MTOR: variants seen among roughly 807,000 people sequenced by gnomAD.
MTOR encodes mechanistic target of rapamycin kinase.
A neutral mutation model predicts 319.8 loss-of-function variants in MTOR; 70 were observed. The ratio of observed to expected loss-of-function variants is 0.22; its 90% CI spans 0.18 to 0.27. The LOEUF is 0.27. Among genes scored for constraint, MTOR ranks in the 10% least tolerant of loss-of-function variants. MTOR has a pLI of 1.00. For synonymous variants in MTOR, 1,183 were observed against 1,211.4 expected (o/e 0.98, Z 0.49); for missense variants, 1,890 against 3,274.4 (o/e 0.58, Z 10.32).
rs183542465 is a variant in MTOR, at chr1:11,241,194, G to A, written c.1541+359C>T. Reference sequence around the variant, plus strand: ...GAATTAGCCAGGCGTGGTGGCAGGCGCCTGTAGTCCCAGCTACTCAGGAGG... The same window carrying A: ...GAATTAGCCAGGCGTGGTGGCAGGCACCTGTAGTCCCAGCTACTCAGGAGG... On this transcript the variant is annotated intron_variant, in intron 10 of 57. Coordinates refer to ENST00000361445, the MANE Select transcript of MTOR (RefSeq NM_004958.4). Among the ~76,000 whole-genome samples, 28 of 151,878 alleles carry A rather than the reference G, an allele frequency of 1.8e-4. No individual in the cohort carries two copies. The South Asian group carries it at 5.0e-3, about 27-fold the overall frequency.
intron 28 of MTOR, among the ~76,000 whole-genome samples, chr1:11,191,251 G>A (rs188330919): frequency 9.3e-4 from 141 of 152,310 alleles, no homozygotes; most frequent in African/African-American, 3.2e-3. Flanking sequence ...CTATGACCAA[G>A]TGCTCAGTTA....
intron 28 of MTOR, among the ~76,000 whole-genome samples, chr1:11,191,634 T>TA (rs1645534741): frequency 1.3e-5 from 2 of 152,030 alleles, no homozygotes; most frequent in African/African-American, 2.4e-5. Flanking sequence ...GGCCCTAGAG[T>TA]AAAAAAACTG....
chr1:11,253,588 C>A (rs903407060), intron 6 of MTOR, among the ~76,000 whole-genome samples: 2 of 152,152 alleles, frequency 1.3e-5, no homozygotes, highest in Non-Finnish European at 2.9e-5. Flanking sequence ...GTCATGTGGA[C>A]CCCCGTCAAA....
intron 34 of MTOR, among the ~76,000 whole-genome samples, chr1:11,140,123 C>T (rs994246219): frequency 6.6e-6 from 1 of 152,142 alleles, no homozygotes; most frequent in Non-Finnish European, 1.5e-5. Flanking sequence ...CATGCCTGGC[C>T]TTCTGATACA....
At position 11,166,199 on chromosome 1, in the gene MTOR, G is replaced by A. The variant is rs1255621638; in HGVS notation, c.4329+1243C>T. On this transcript the variant is annotated intron_variant, in intron 29 of 57. Coordinates refer to ENST00000361445, the MANE Select transcript of MTOR (RefSeq NM_004958.4). ...ACATAGGCATGGGCAAGGACTTCACGTCTAAAACACCAAAAGCAATGGCAA... is the reference window on the plus strand; with the variant it reads ...ACATAGGCATGGGCAAGGACTTCACATCTAAAACACCAAAAGCAATGGCAA... Among the ~76,000 whole-genome samples, 9 of 152,258 alleles carry A rather than the reference G, an allele frequency of 5.9e-5. No homozygotes were observed. The South Asian group carries it at 1.0e-3, about 18-fold the overall frequency.
intron 3 of MTOR, among the ~76,000 whole-genome samples, chr1:11,258,219 C>T (rs55825141): frequency 2.0e-5 from 3 of 152,086 alleles, no homozygotes; most frequent in Non-Finnish European, 4.4e-5. Flanking sequence ...CCACAAAAGG[C>T]AATATGAAGG....
rs1642136916 is a variant in MTOR, at chr1:11,115,856, C to T, written c.7017-388G>A. Among the ~76,000 whole-genome samples, 1 of 152,202 alleles carries T rather than the reference C, an allele frequency of 6.6e-6. No individual in the cohort carries two copies. Among genetic ancestry groups the T allele is most frequent in the Non-Finnish European group, 1.5e-5 (1 of 68,046 alleles). The stretch of plus-strand genomic sequence containing the variant: ...TGTGCTTTTCTGAGGTCTTTGGTGA[C>T]CTAATAAGTCATTTCTGGCAGCACT... On this transcript the variant is annotated intron_variant, in intron 50 of 57. Transcript: ENST00000361445. This position sits in a 1 kb window ranked among gnomAD's most constrained non-coding sequence, Gnocchi z 4.5.
chr1:11,261,469 C>T lies in MTOR; in HGVS notation c.-15+976G>A, dbSNP rs186748702. Reference sequence around the variant, plus strand: ...CCTGGGCGACAGAGCGAAACTCCGTCTCAAAACAAAACAAAAAACACCAAT... The same window carrying T: ...CCTGGGCGACAGAGCGAAACTCCGTTTCAAAACAAAACAAAAAACACCAAT... On this transcript the variant is annotated intron_variant, in intron 1 of 57. Coordinates refer to ENST00000361445, the MANE Select transcript of MTOR (RefSeq NM_004958.4). Among the ~76,000 whole-genome samples, 445 of 152,066 alleles carry T rather than the reference C, an allele frequency of 2.9e-3. 1 individual carries two copies. The highest frequency in any genetic ancestry group is 6.8e-3 in the Middle Eastern group (2 of 294).
chr1:11,259,112 T>C, intron 2 of MTOR, 136 bp downstream of exon 2: 1 of 1,047,960 alleles, frequency 9.5e-7, no homozygotes, highest in South Asian at 1.7e-5. Flanking sequence ...TTTATGGATG[T>C]GACAGGTTGG....
In MTOR at chr1:11,238,005, G is replaced by A. The variant is rs1002891118; in HGVS notation, c.2046C>T (p.Arg682=). The A allele has an allele frequency of 1.2e-6, 2 of 1,614,078 alleles. No homozygotes were observed. The highest frequency in any genetic ancestry group is 1.3e-5 in the African/African-American group (1 of 74,934). Residue 682 remains arginine (R), a synonymous_variant, in exon 13 of 58, where the codon CGC becomes CGT. Coordinates refer to ENST00000361445, the MANE Select transcript of MTOR (RefSeq NM_004958.4). ...RYCVLASLDE[R]FDAHLAQAEN... ...CCGCCTGGGCCAGGTGTGCATCAAAGCGCTCGTCCAGGGACGCCAAGACAC... is the reference window on the plus strand; with the variant it reads ...CCGCCTGGGCCAGGTGTGCATCAAAACGCTCGTCCAGGGACGCCAAGACAC...
In MTOR at chr1:11,115,783, ATG is replaced by A; in HGVS notation, c.7017-317_7017-316del. On this transcript the variant is annotated intron_variant, in intron 50 of 57. Transcript: ENST00000361445. The surrounding 1 kb of genome is among the most constrained non-coding windows in gnomAD (Gnocchi z 4.5). The stretch of plus-strand genomic sequence containing the variant: ...AAACAGTTTGCCAACTCCTGCTGAA[ATG>A]TGGGCTTATGTGTGAATCACAGGTT... 1 of 292,668 alleles carries A rather than the reference ATG, an allele frequency of 3.4e-6. No individual in the cohort carries two copies. The highest frequency in any genetic ancestry group is 6.7e-6 in the Non-Finnish European group (1 of 150,044). 18.1% of individuals were successfully genotyped at this position (292,668 alleles called of 1,614,324 possible).
At chr1:11,175,746 G>GTTTTT (rs34392850) in intron 28 of MTOR, among the ~76,000 whole-genome samples, 3 of 137,302 alleles carry the variant, frequency 2.2e-5, no homozygotes, top group Non-Finnish European at 3.1e-5. Flanking sequence ...TCCCTAGCAG[G>GTTTTT]TTTTTTTTTT....
At chr1:11,150,997 C>T (rs1334551375) in intron 30 of MTOR, among the ~76,000 whole-genome samples, 1 of 152,158 alleles carries the variant, frequency 6.6e-6, no homozygotes, top group Non-Finnish European at 1.5e-5. Context: ...CTTAATTTTT[C>T]CTGCTTTCTG....
intron 19 of MTOR, among the ~76,000 whole-genome samples, chr1:11,216,458 A>G (rs1192747107): frequency 1.3e-5 from 2 of 152,150 alleles, no homozygotes; most frequent in African/African-American, 2.4e-5. Context: ...TTTCAAGAAC[A>G]GCCTGGGCAA....
chr1:11,208,729 G>A (rs1646218389), intron 25 of MTOR, among the ~76,000 whole-genome samples: 1 of 152,176 alleles, frequency 6.6e-6, no homozygotes, highest in Non-Finnish European at 1.5e-5. Flanking sequence ...TGGCATACAT[G>A]GTGAAAAGCT....
At chr1:11,216,644 CCT>C (rs1263990380) in intron 19 of MTOR, among the ~76,000 whole-genome samples, 1 of 132,826 alleles carries the variant, frequency 7.5e-6, no homozygotes, top group African/African-American at 2.5e-5. Flanking sequence ...AGGGTGAGAC[CCT>C]GTCTCTTAAA....
At position 11,133,775 on chromosome 1, in the gene MTOR, C is replaced by G. The variant is rs1366628584; in HGVS notation, c.5246+576G>C. 1.3e-5 allele frequency among the ~76,000 whole-genome samples: 2 copies of G among 152,182 alleles called. No individual in the cohort carries two copies. Among genetic ancestry groups the G allele is most frequent in the African/African-American group, 4.8e-5 (2 of 41,444 alleles). ...CTGAAGTCAAATATCAAATCTGCAG[C>G]ACAGAGTGGCACAGTGGCCCACACC... On this transcript the variant is annotated intron_variant, in intron 37 of 57. Coordinates refer to ENST00000361445, the MANE Select transcript of MTOR (RefSeq NM_004958.4). This position sits in a 1 kb window ranked among gnomAD's most constrained non-coding sequence, Gnocchi z 4.0.
intron 50 of MTOR, among the ~76,000 whole-genome samples, chr1:11,116,367 C>G: frequency 6.6e-6 from 1 of 152,120 alleles, no homozygotes; most frequent in Non-Finnish European, 1.5e-5. Flanking sequence ...CAGGCTGGAA[C>G]ACAGTGGTGC....
intron 28 of MTOR, among the ~76,000 whole-genome samples, chr1:11,171,843 T>C (rs1644823955): frequency 6.6e-6 from 1 of 152,002 alleles, no homozygotes; most frequent in Non-Finnish European, 1.5e-5. Context: ...GAGACCAGGC[T>C]GGCCAACATG....
Sources: gnomAD v4.1 joint callset for allele counts (sites outside exome capture counted in the v4.1 genomes callset) on GRCh38, gnomAD v4.1.1 for gene constraint, Gnocchi (gnomAD v3.1) non-coding constraint, MANE v1.5 for transcripts, NCBI Gene and HGNC (gene_info 2026-07-23, HGNC 2026-07-21) for gene names.